Variants in CFAP54 observed in about 807,000 individuals in gnomAD.
CFAP54 encodes the protein cilia- and flagella-associated protein 54.
CFAP54 carries 290 observed loss-of-function variants against 370.4 expected under a neutral mutation model. The ratio of observed to expected loss-of-function variants is 0.78; its 90% confidence interval spans 0.71 to 0.86. The LOEUF (loss-of-function observed/expected upper bound fraction) is 0.86, where lower values mean the gene tolerates loss of function less well. CFAP54 is among the 40% of genes least tolerant of loss of function. The probability of loss-of-function intolerance (pLI) is 0.00; values close to 1 mark genes in which losing one functional copy is unlikely to be tolerated. For synonymous variants in CFAP54, 1,206 were observed against 1,236.5 expected (o/e 0.98, Z 0.52); for missense variants, 3,399 against 3,528.7 (o/e 0.96, Z 0.93).
At chr12:96,713,255 A>C (rs183676954) in intron 48 of CFAP54, among the ~76,000 whole-genome samples, 30 of 152,322 alleles carry the variant, frequency 2.0e-4, no homozygotes, top group Non-Finnish European at 3.7e-4. Flanking sequence ...CAGCACTGCT[A>C]ACAATAGCCA....
In CFAP54 at chr12:96,742,631, A is replaced by G. The variant is rs117182677; in HGVS notation, c.7219+45A>G. The G allele has an allele frequency of 5.0e-3, 7,686 of 1,542,316 alleles. 31 individuals carry two copies. The highest frequency in any genetic ancestry group is 5.7e-3 in the Non-Finnish European group (6,460 of 1,133,568). ...CAATGTTTTCATAAAAATTAATTTTACATAGGTGAAGAGGGGTTTATTGGG... is the reference window on the plus strand; with the variant it reads ...CAATGTTTTCATAAAAATTAATTTTGCATAGGTGAAGAGGGGTTTATTGGG... On this transcript the variant is annotated intron_variant, in intron 52 of 67. Transcript: ENST00000524981.
chr12:96,703,524 A>G (rs1389449554), intron 46 of CFAP54, among the ~76,000 whole-genome samples: 1 of 152,102 alleles, frequency 6.6e-6, no homozygotes, highest in African/African-American at 2.4e-5. Flanking sequence ...GGATTCTACC[A>G]ATGGGAATCT....
chr12:96,571,450 TTA>T (rs1162507822), intron 19 of CFAP54, among the ~76,000 whole-genome samples: 2 of 152,146 alleles, frequency 1.3e-5, no homozygotes, highest in Non-Finnish European at 2.9e-5. Flanking sequence ...AGGTAAAGGC[TTA>T]TTTCTTTTTT....
At chr12:96,695,355 A>G (rs564786376) in intron 45 of CFAP54, among the ~76,000 whole-genome samples, 2 of 152,366 alleles carry the variant, frequency 1.3e-5, no homozygotes, top group South Asian at 2.1e-4. Flanking sequence ...CCTGGGGCCT[A>G]TATTTTCAGA....
At chr12:96,567,296 A>C (rs1955873274) in intron 19 of CFAP54, among the ~76,000 whole-genome samples, 2 of 152,148 alleles carry the variant, frequency 1.3e-5, no homozygotes, top group Admixed American at 1.3e-4. Context: ...AGCACGGGAG[A>C]CCAGAGAGGA....
At chr12:96,699,872 C>T in intron 45 of CFAP54, 99 bp from the exon 46 acceptor site, 1 of 990,806 alleles carries the variant, frequency 1.0e-6, no homozygotes, top group Admixed American at 2.5e-5. Context: ...TAAGCAGAAA[C>T]TTTGGATCTC....
At chr12:96,638,184 C>CATATATATATATATAT (rs61605059) in intron 32 of CFAP54, among the ~76,000 whole-genome samples, 26 of 137,638 alleles carry the variant, frequency 1.9e-4, no homozygotes, top group African/African-American at 7.1e-4. Flanking sequence ...TTAGCTGCAT[C>CATATATATATATATAT]ATATATATAT....
Position 96,554,194 on chromosome 12 carries a change from G to C in CFAP54, c.2167G>C (p.Glu723Gln). Reference sequence around the variant, plus strand: ...AAAATTATTTTAGAAAAATCCTGTGGAACAGTTACTTTTTGCTTATAAACT... The same window carrying C: ...AAAATTATTTTAGAAAAATCCTGTGCAACAGTTACTTTTTGCTTATAAACT... ...ILPILQKNPVEQLLFAYKLLD... is the reference protein window; with the variant it reads ...ILPILQKNPVQQLLFAYKLLD... The change falls in exon 16 of 68, where the codon GAA becomes CAA. Residue 723 changes from glutamate to glutamine, a missense_variant. Glu to Gln is a conservative substitution (Grantham distance 29). This residue lies in a region of CFAP54 where 2,796 missense variants were observed against 2,869.7 expected (regional missense o/e 0.97). Transcript: ENST00000524981. 6.7e-7 allele frequency: 1 copy of C among 1,501,670 alleles called. No homozygotes were observed. Among genetic ancestry groups the C allele is most frequent in the Non-Finnish European group, 8.8e-7 (1 of 1,132,086 alleles). 93.0% of individuals were successfully genotyped at this position (1,501,670 alleles called of 1,614,324 possible). A position where few individuals can be genotyped will look rare whatever the true frequency, so the allele number is the denominator to read the frequency against.
chr12:96,862,834 A>G (rs903772267), intron 67 of CFAP54, among the ~76,000 whole-genome samples: 4 of 152,074 alleles, frequency 2.6e-5, no homozygotes, highest in Non-Finnish European at 5.9e-5. Context: ...TGAGTTGGAG[A>G]TCACTTTGAA....
intron 5 of CFAP54, among the ~76,000 whole-genome samples, chr12:96,517,849 T>C (rs1185178761): frequency 6.6e-6 from 1 of 152,176 alleles, no homozygotes; most frequent in Non-Finnish European, 1.5e-5. Flanking sequence ...ATGGAAGTGC[T>C]TGGGGATATT....
chr12:96,733,313 T>G (rs7963861), intron 50 of CFAP54, among the ~76,000 whole-genome samples: 69,440 of 151,894 alleles, frequency 0.46, 16,388 homozygotes, highest in South Asian at 0.64. Flanking sequence ...GACAGTCCCT[T>G]TTTTAAATGA....
chr12:96,662,307 C>T (rs1381052379), intron 38 of CFAP54, among the ~76,000 whole-genome samples: 3 of 152,124 alleles, frequency 2.0e-5, no homozygotes, highest in South Asian at 2.1e-4. Context: ...TAGGTTGAAG[C>T]GATTTTCATG....
intron 63 of CFAP54, among the ~76,000 whole-genome samples, chr12:96,804,045 T>TA (rs892805286): frequency 2.0e-5 from 3 of 151,706 alleles, no homozygotes; most frequent in Non-Finnish European, 2.9e-5. Context: ...TAAATATCTT[T>TA]AAAAAAAAGA....
intron 57 of CFAP54, among the ~76,000 whole-genome samples, chr12:96,756,837 T>C (rs1958264777): frequency 2.0e-5 from 3 of 152,212 alleles, no homozygotes; most frequent in African/African-American, 7.2e-5. Context: ...GATGACTGGC[T>C]TCTAAACTGG....
chr12:96,540,838 G>T lies in CFAP54; in HGVS notation c.1928G>T (p.Trp643Leu). The T allele has an allele frequency of 1.4e-6, 2 of 1,432,046 alleles. No individual in the cohort carries two copies. The highest frequency in any genetic ancestry group is 1.8e-6 in the Non-Finnish European group (2 of 1,098,992). The allele number at this position is 1,432,046 out of a possible 1,614,324, so 88.7% of individuals were successfully genotyped here. Residue 643 changes from tryptophan (W) to leucine (L), a missense_variant and splice_region_variant, in exon 14 of 68, where the codon TGG (tryptophan) becomes TTG (leucine). This residue lies in a region of CFAP54 where 2,796 missense variants were observed against 2,869.7 expected (regional missense o/e 0.97). Coordinates refer to ENST00000524981, the MANE Select transcript of CFAP54 (RefSeq NM_001306084.2). ...KFTQKISTNK[W>L]IYLLWQINEV... is the part of the protein sequence containing the mutation. ...TTGCTGTGTATTTTCTCTTTTTAGT[G>T]GATTTATCTTCTGTGGCAGATAAAT...
chr12:96,594,181 A>G (rs1023545979), intron 24 of CFAP54, 110 bp from the exon 25 acceptor site: 4 of 692,378 alleles, frequency 5.8e-6, no homozygotes, highest in Non-Finnish European at 8.7e-6. Flanking sequence ...AAATACAAAC[A>G]CTCATGTTGT....
At position 96,512,990 on chromosome 12, in the gene CFAP54, C is replaced by T; in HGVS notation, c.744C>T (p.Thr248=). ...ACAATCGTTTTCTCCATCCAGGTAC[C>T]ATTTATATTTACACCATTTGCAGAA... ...EHLCWIIFNG[T]IYIYTICRKL... is the part of the protein sequence containing the mutation. The change falls in exon 5 of 68, where the codon ACC becomes ACT. Residue 248 remains threonine (T), a synonymous_variant. Coordinates refer to ENST00000524981, the MANE Select transcript of CFAP54 (RefSeq NM_001306084.2). 2.0e-6 allele frequency: 3 copies of T among 1,515,184 alleles called. No individual in the cohort carries two copies. The highest frequency in any genetic ancestry group is 2.6e-6 in the Non-Finnish European group (3 of 1,134,376). The allele number at this position is 1,515,184 out of a possible 1,614,324, so 93.9% of individuals were successfully genotyped here.
chr12:96,640,594 C>G (rs1462486076), intron 32 of CFAP54, among the ~76,000 whole-genome samples: 1 of 152,112 alleles, frequency 6.6e-6, no homozygotes, highest in African/African-American at 2.4e-5. Flanking sequence ...TCATATAGAA[C>G]CAAAAAAGAG....
intron 28 of CFAP54, among the ~76,000 whole-genome samples, chr12:96,624,112 C>T (rs2136468774): frequency 6.6e-6 from 1 of 152,278 alleles, no homozygotes; most frequent in African/African-American, 2.4e-5. Context: ...ACATAGCTGG[C>T]TTGGACTTGA....
Sources: gnomAD v4.1 joint callset for allele counts (sites outside exome capture counted in the v4.1 genomes callset) on GRCh38, gnomAD v4.1.1 for gene constraint, gnomAD v4.1.1 regional missense constraint, MANE v1.5 for transcripts, NCBI Gene and HGNC (gene_info 2026-07-23, HGNC 2026-07-21) for gene names.